TICRR: variants seen among roughly 807,000 people sequenced by gnomAD.
TICRR encodes the protein treslin.
In TICRR, 132 loss-of-function variants were observed where a neutral mutation model predicts 178.1. The observed-to-expected ratio is 0.74, with a 90% CI of 0.64 to 0.86. The LOEUF (loss-of-function observed/expected upper bound fraction) is 0.86, where lower values mean the gene tolerates loss of function less well. Ranked by LOEUF, TICRR falls within the 40% of genes least tolerant of loss-of-function variation. The pLI is 0.00. For synonymous variants in TICRR, 991 were observed against 900.7 expected (o/e 1.10, Z -1.79); for missense variants, 2,587 against 2,334.3 (o/e 1.11, Z -2.23).
chr15:89,593,788 CTAA>C (rs1351341517), intron 5 of TICRR, among the ~76,000 whole-genome samples: 2 of 152,182 alleles, frequency 1.3e-5, no homozygotes, highest in Admixed American at 6.5e-5. Context: ...ATCTGTTCAA[CTAA>C]TATCACCGTA....
chr15:89,586,503 G>A (rs913035643), intron 4 of TICRR, among the ~76,000 whole-genome samples: 8 of 152,184 alleles, frequency 5.3e-5, no homozygotes, highest in African/African-American at 1.9e-4. Flanking sequence ...TTCCCATGGA[G>A]CTGACCATCT....
chr15:89,626,191 C>A, intron 21 of TICRR, 130 bp downstream of exon 21: 1 of 973,096 alleles, frequency 1.0e-6, no homozygotes, highest in Non-Finnish European at 1.5e-6. Flanking sequence ...TTCGCGCCTA[C>A]AGCGTCATGT....
chr15:89,592,199 G>T, intron 5 of TICRR, 23 bp downstream of exon 5: 1 of 1,596,538 alleles, frequency 6.3e-7, no homozygotes, highest in Non-Finnish European at 8.6e-7. Flanking sequence ...TATATCTCTT[G>T]AATATTGATT....
rs373452958 is a variant in TICRR at position 89,584,284 on chromosome 15, A to C, written c.935-2A>C. 63 of 1,588,438 alleles carry C rather than the reference A, an allele frequency of 4.0e-5. No homozygotes were observed. The South Asian group carries it at 7.2e-4, about 18-fold the overall frequency. On this transcript the variant is annotated splice_acceptor_variant, in intron 2 of 21. Transcript: ENST00000268138. LOFTEE classifies it high-confidence loss of function. Reference sequence around the variant, plus strand: ...CCTGGTCTAATTAATCTTTATTTCTAGCAGGCAAAGAGATTCAAGAAACAT... The same window carrying C: ...CCTGGTCTAATTAATCTTTATTTCTCGCAGGCAAAGAGATTCAAGAAACAT...
intron 17 of TICRR, among the ~76,000 whole-genome samples, chr15:89,618,459 T>C (rs1007419943): frequency 9.2e-5 from 14 of 152,240 alleles, no homozygotes; most frequent in African/African-American, 3.4e-4. Context: ...AACTGTGTTA[T>C]ACAAAGTGCT....
At chr15:89,621,284 G>T (rs184748786) in intron 18 of TICRR, 109 bp from the exon 19 acceptor site, 2 of 1,149,852 alleles carry the variant, frequency 1.7e-6, no homozygotes, top group East Asian at 5.0e-5. Flanking sequence ...GCCTCCCAAA[G>T]TGCTGGGATT....
At chr15:89,601,429 G>A in intron 10 of TICRR, 38 bp downstream of exon 10, 1 of 1,612,836 alleles carries the variant, frequency 6.2e-7, no homozygotes, top group Non-Finnish European at 8.5e-7. Flanking sequence ...ATACGCCCTA[G>A]ATGCTTTCAG....
intron 1 of TICRR, among the ~76,000 whole-genome samples, chr15:89,576,915 A>T (rs1402435178): frequency 6.8e-6 from 1 of 146,860 alleles, no homozygotes; most frequent in Admixed American, 6.9e-5. Flanking sequence ...ATATTTATTT[A>T]TTATTATTTT....
chr15:89,606,699 G>A (rs753026288), intron 13 of TICRR, 69 bp from the exon 14 acceptor site: 89 of 1,284,960 alleles, frequency 6.9e-5, no homozygotes, highest in Non-Finnish European at 9.7e-5. Flanking sequence ...GAGTTCATGT[G>A]AAATCTTTAT....
intron 17 of TICRR, among the ~76,000 whole-genome samples, 168 bp from the exon 18 acceptor site, chr15:89,619,540 C>T (rs971691959): frequency 1.3e-5 from 2 of 152,020 alleles, no homozygotes; most frequent in African/African-American, 4.8e-5. Flanking sequence ...TGTATCAAAC[C>T]CCTCTTAGTT....
At chr15:89,591,015 TC>T (rs139831462) in intron 4 of TICRR, among the ~76,000 whole-genome samples, 1,579 of 152,256 alleles carry the variant, frequency 0.01, 35 homozygotes, top group African/African-American at 0.036. Context: ...ACCCTCACAC[TC>T]CCCAATACAG....
intron 7 of TICRR, among the ~76,000 whole-genome samples, chr15:89,596,669 G>A (rs1963003738): frequency 1.3e-5 from 2 of 152,046 alleles, no homozygotes; most frequent in South Asian, 2.1e-4. Context: ...TCAAAGAACC[G>A]TCTTTTGTTT....
At chr15:89,620,365 C>T (rs1294220778) in intron 18 of TICRR, among the ~76,000 whole-genome samples, 4 of 152,246 alleles carry the variant, frequency 2.6e-5, no homozygotes, top group Middle Eastern at 3.4e-3. Flanking sequence ...TGCACCACCA[C>T]GCCCAGCTGA....
intron 5 of TICRR, among the ~76,000 whole-genome samples, chr15:89,592,698 A>T (rs1028862234): frequency 2.0e-5 from 3 of 152,260 alleles, no homozygotes; most frequent in Admixed American, 6.5e-5. Context: ...TGGTTCTTTG[A>T]AAAGCCAAAT....
intron 13 of TICRR, 81 bp from the exon 14 acceptor site, chr15:89,606,687 A>G: frequency 1.8e-6 from 2 of 1,139,020 alleles, no homozygotes; most frequent in Non-Finnish European, 2.6e-6. Context: ...ACAAGAGTCA[A>G]AGAGTTCATG....
At chr15:89,613,041 A>C (rs1963278037) in intron 15 of TICRR, among the ~76,000 whole-genome samples, 1 of 152,332 alleles carries the variant, frequency 6.6e-6, no homozygotes, top group South Asian at 2.1e-4. Flanking sequence ...TTAACTCTTT[A>C]TGTGGACTTG....
rs1260303308 is a variant in TICRR at position 89,575,863 on chromosome 15, CCGGCGCCCAGGGCCACCCACACGCA to C, written c.286_310del (p.Arg96Ter). The C allele has an allele frequency of 6.3e-7, 1 of 1,586,208 alleles. No individual in the cohort carries two copies. On this transcript the variant is annotated frameshift_variant, in exon 1 of 22. Coordinates refer to ENST00000268138, the MANE Select transcript of TICRR (RefSeq NM_152259.4). LOFTEE classifies it high-confidence loss of function. The stretch of plus-strand genomic sequence containing the variant: ...CGAGGATCGCGCCCACCTGCCCGGC[CCGGCGCCCAGGGCCACCCACACGCA>C]CGGCGCCCTGATGGAGACGCTGCTA...
chr15:89,627,074 G>A lies in TICRR; in HGVS notation c.5721G>A (p.Leu1907=), dbSNP rs1159237378. The A allele has an allele frequency of 6.2e-7, 1 of 1,614,064 alleles. No homozygotes were observed. Among genetic ancestry groups the A allele is most frequent in the South Asian group, 1.1e-5 (1 of 91,080 alleles). Residue 1907 remains leucine, a synonymous_variant, in exon 22 of 22, where the codon CTG becomes CTA. Transcript: ENST00000268138. The stretch of plus-strand genomic sequence containing the variant: ...GGAAGAAGCTCATGGGAACCTGGCT[G>A]GAGGACTTATAGCCACAAACATTAC... ...YTRKKLMGTW[L]EDL
intron 4 of TICRR, 179 bp from the exon 5 acceptor site, chr15:89,591,868 T>A: frequency 2.2e-6 from 1 of 449,488 alleles, no homozygotes; most frequent in Admixed American, 3.7e-5. Flanking sequence ...TCAGTAGCAT[T>A]TTTTATTTAC....
Sources: allele counts gnomAD v4.1 joint callset (sites outside exome capture counted in the v4.1 genomes callset), GRCh38; gene constraint gnomAD v4.1.1; transcripts MANE v1.5; gene names NCBI Gene and HGNC (gene_info 2026-07-23, HGNC 2026-07-21).